PPP1R16B: variants seen among roughly 807,000 people sequenced by gnomAD.
PPP1R16B encodes protein phosphatase 1 regulatory subunit 16B.
Under a neutral mutation model 61.7 loss-of-function variants are expected in PPP1R16B, and 14 were observed. That is an observed-to-expected ratio of 0.23 (90% confidence interval 0.15 to 0.35). The LOEUF is 0.35. Ranked by LOEUF, PPP1R16B falls within the 10% of genes least tolerant of loss-of-function variation. PPP1R16B has a pLI of 1.00. For missense variants in PPP1R16B, 547 were observed against 752.5 expected (o/e 0.73, Z 3.19); for synonymous variants, 266 against 305.3 (o/e 0.87, Z 1.34).
chr20:38,896,564 T>A (rs2085351067), intron 4 of PPP1R16B, among the ~76,000 whole-genome samples: 1 of 152,098 alleles, frequency 6.6e-6, no homozygotes, highest in African/African-American at 2.4e-5. Flanking sequence ...ATTTTCTCTC[T>A]TCTCCTTTCA....
intron 2 of PPP1R16B, among the ~76,000 whole-genome samples, chr20:38,881,404 T>C (rs1427381713): frequency 6.6e-6 from 1 of 152,214 alleles, no homozygotes; most frequent in Admixed American, 6.5e-5. Context: ...GCTGGCCCTT[T>C]GGCGTTATCA....
chr20:38,859,957 T>C (rs577494947), intron 2 of PPP1R16B, among the ~76,000 whole-genome samples: 1 of 152,344 alleles, frequency 6.6e-6, no homozygotes, highest in African/African-American at 2.4e-5. Context: ...TCTGTTTTTT[T>C]CATATCTTTT....
intron 2 of PPP1R16B, among the ~76,000 whole-genome samples, chr20:38,861,673 CTTT>C (rs869187206): frequency 5.5e-4 from 69 of 125,616 alleles, no homozygotes; most frequent in African/African-American, 1.9e-3. Context: ...TGCAGTTCTT[CTTT>C]TTTTTTTTTT....
At chr20:38,912,546 T>C (rs1316520043) in intron 10 of PPP1R16B, among the ~76,000 whole-genome samples, 1 of 147,926 alleles carries the variant, frequency 6.8e-6, no homozygotes, top group East Asian at 2.0e-4. Flanking sequence ...TGTGATGGTG[T>C]GTACCTGTAG....
Position 38,821,994 on chromosome 20 carries a change from TTA to T in PPP1R16B, c.-101-13830_-101-13829del, listed in dbSNP as rs1568653057. Reference sequence around the variant, plus strand: ...TCTATTCCTCAGAAATATATATATATTAATATATATAATATATATTATATTTA... The same window carrying T: ...TCTATTCCTCAGAAATATATATATATATATATATAATATATATTATATTTA... On this transcript the variant is annotated intron_variant, in intron 1 of 10. Coordinates refer to ENST00000299824, the MANE Select transcript of PPP1R16B (RefSeq NM_015568.4). Among the ~76,000 whole-genome samples the T allele has an allele frequency of 1.6e-3, 233 of 145,762 alleles. 2 individuals are homozygous for T. In the East Asian group the frequency reaches 0.03, roughly 19 times the overall value.
chr20:38,876,555 A>G (rs2085168974), intron 2 of PPP1R16B, among the ~76,000 whole-genome samples: 1 of 152,096 alleles, frequency 6.6e-6, no homozygotes, highest in Admixed American at 6.6e-5. Flanking sequence ...AAAAAATAGA[A>G]GCCATTCTCA....
intron 3 of PPP1R16B, among the ~76,000 whole-genome samples, chr20:38,890,033 G>A (rs932648353): frequency 2.6e-5 from 4 of 152,218 alleles, no homozygotes; most frequent in South Asian, 2.1e-4. Flanking sequence ...GGCAGTTGGC[G>A]GGACTTATGT....
chr20:38,896,373 G>T (rs772335236), intron 4 of PPP1R16B, among the ~76,000 whole-genome samples: 8 of 146,504 alleles, frequency 5.5e-5, no homozygotes, highest in Non-Finnish European at 1.0e-4. Flanking sequence ...CTTGGTGCTT[G>T]TCACTTTCTT....
chr20:38,906,099 T>C lies in PPP1R16B; in HGVS notation c.822+5T>C. ...GCAGCTGCCTTCTGGGGACAGGTAG[T>C]TCTCACCCACAGGGCTGTGGGGGAG... On this transcript the variant is annotated splice_donor_5th_base_variant and intron_variant, in intron 7 of 10. Coordinates refer to ENST00000299824, the MANE Select transcript of PPP1R16B (RefSeq NM_015568.4). 2 of 1,611,834 alleles carry C rather than the reference T, an allele frequency of 1.2e-6. No homozygotes were observed. The highest frequency in any genetic ancestry group is 1.7e-6 in the Non-Finnish European group (2 of 1,179,600).
At chr20:38,878,281 C>T (rs2085182817) in intron 2 of PPP1R16B, among the ~76,000 whole-genome samples, 1 of 152,056 alleles carries the variant, frequency 6.6e-6, no homozygotes, top group Non-Finnish European at 1.5e-5. Context: ...AGGGCTGAGG[C>T]AGAGTAGCAT....
intron 2 of PPP1R16B, among the ~76,000 whole-genome samples, chr20:38,854,906 C>T (rs548486698): frequency 6.6e-6 from 1 of 152,310 alleles, no homozygotes; most frequent in East Asian, 1.9e-4. Context: ...CTCCCATTTT[C>T]TCTATCTCTG....
At chr20:38,860,438 A>G (rs1200808692) in intron 2 of PPP1R16B, among the ~76,000 whole-genome samples, 5 of 152,242 alleles carry the variant, frequency 3.3e-5, no homozygotes, top group African/African-American at 1.2e-4. Flanking sequence ...TTGATGCACC[A>G]TATGTTGATT....
chr20:38,918,762 G>T lies in PPP1R16B; in HGVS notation c.*96G>T. ...GCTGGGGAGGTGTCAGGGCAGCTGG[G>T]GAGAGGTGGGCTCTGCTTTTCAGAG... On this transcript the variant is annotated 3_prime_UTR_variant, in exon 11 of 11. Transcript: ENST00000299824. The surrounding 1 kb of genome is among the most constrained non-coding windows in gnomAD (Gnocchi z 5.3). 7.4e-7 allele frequency: 1 copy of T among 1,354,674 alleles called. No homozygotes were observed. Among genetic ancestry groups the T allele is most frequent in the Non-Finnish European group, 9.7e-7 (1 of 1,032,616 alleles). The allele number at this position is 1,354,674 out of a possible 1,614,324, so 83.9% of individuals were successfully genotyped here.
intron 2 of PPP1R16B, among the ~76,000 whole-genome samples, chr20:38,866,448 G>T (rs1306653706): frequency 6.6e-6 from 1 of 152,230 alleles, no homozygotes; most frequent in East Asian, 1.9e-4. Flanking sequence ...GCCCCGGAAG[G>T]TGCGTTGACA....
At position 38,907,681 on chromosome 20, in the gene PPP1R16B, T is replaced by C. The variant is rs2085455325; in HGVS notation, c.899-125T>C. On this transcript the variant is annotated intron_variant, in intron 8 of 10. Coordinates refer to ENST00000299824, the MANE Select transcript of PPP1R16B (RefSeq NM_015568.4). The surrounding 1 kb of genome is among the most constrained non-coding windows in gnomAD (Gnocchi z 4.5). ...GGCTGGCATTGTTTTCTTGCCTCCCTGCATGCCCTGAAAGATGCTTGGAGT... is the reference window on the plus strand; with the variant it reads ...GGCTGGCATTGTTTTCTTGCCTCCCCGCATGCCCTGAAAGATGCTTGGAGT... 1 of 1,314,570 alleles carries C rather than the reference T, an allele frequency of 7.6e-7. No individual in the cohort carries two copies. Among genetic ancestry groups the C allele is most frequent in the Non-Finnish European group, 1.1e-6 (1 of 947,884 alleles). The allele number at this position is 1,314,570 out of a possible 1,614,324, so 81.4% of individuals were successfully genotyped here.
At chr20:38,855,060 C>T (rs916497083) in intron 2 of PPP1R16B, among the ~76,000 whole-genome samples, 3 of 152,160 alleles carry the variant, frequency 2.0e-5, no homozygotes, top group African/African-American at 7.2e-5. Context: ...TTGGCCACCC[C>T]TCATAATATA....
intron 1 of PPP1R16B, among the ~76,000 whole-genome samples, chr20:38,819,364 C>T (rs1057256273): frequency 2.6e-5 from 4 of 152,088 alleles, no homozygotes; most frequent in African/African-American, 9.7e-5. Context: ...AAATATATTA[C>T]TAGCTGGGCA....
At chr20:38,890,673 T>G (rs2085285514) in intron 3 of PPP1R16B, among the ~76,000 whole-genome samples, 1 of 152,258 alleles carries the variant, frequency 6.6e-6, no homozygotes, top group Non-Finnish European at 1.5e-5. Flanking sequence ...CTCTTGCTTA[T>G]GAGTGTGTCC....
At chr20:38,823,962 T>C (rs2084788400) in intron 1 of PPP1R16B, among the ~76,000 whole-genome samples, 1 of 152,224 alleles carries the variant, frequency 6.6e-6, no homozygotes, top group African/African-American at 2.4e-5. Context: ...TTAAAAATAC[T>C]TAACTAATGG....
Sources: gnomAD v4.1 joint callset for allele counts (sites outside exome capture counted in the v4.1 genomes callset) on GRCh38, gnomAD v4.1.1 for gene constraint, Gnocchi (gnomAD v3.1) non-coding constraint, MANE v1.5 for transcripts, NCBI Gene and HGNC (gene_info 2026-07-23, HGNC 2026-07-21) for gene names.